Variants in RNF125 observed in about 807,000 individuals in gnomAD.
RNF125 encodes the protein ring finger protein 125.
RNF125 carries 21 observed loss-of-function variants against 26.0 expected under a neutral mutation model. The ratio of observed to expected loss-of-function variants is 0.81; its 90% CI spans 0.57 to 1.16. RNF125 has a LOEUF of 1.16. Ranked by LOEUF, RNF125 falls within the 50% of genes most tolerant of loss-of-function variation. RNF125 has a pLI of 0.00. For missense variants in RNF125, 270 were observed against 299.4 expected (o/e 0.90, Z 0.72); for synonymous variants, 95 against 109.2 (o/e 0.87, Z 0.81).
intron 4 of RNF125, among the ~76,000 whole-genome samples, chr18:32,056,305 C>G (rs1598823102): frequency 6.6e-6 from 1 of 151,864 alleles, no homozygotes; most frequent in Non-Finnish European, 1.5e-5. Flanking sequence ...GAAAATGACT[C>G]ACATGAATAA....
the RNF125 span, among the ~76,000 whole-genome samples, chr18:32,080,274 C>A: frequency 6.6e-6 from 1 of 152,252 alleles, no homozygotes; most frequent in Middle Eastern, 3.4e-3. Flanking sequence ...GGTGATCTGC[C>A]CACCTCGGCC....
Position 32,041,620 on chromosome 18 carries a change from C to CTTTTTTTTTTTTTTT in RNF125, c.319-545_319-531dup, listed in dbSNP as rs60264747. Among the ~76,000 whole-genome samples, 4 of 93,280 alleles carry CTTTTTTTTTTTTTTT rather than the reference C, an allele frequency of 4.3e-5. 2 individuals carry two copies. Among genetic ancestry groups the CTTTTTTTTTTTTTTT allele is most frequent in the African/African-American group, 7.9e-5 (2 of 25,424 alleles). The allele number at this position is 93,280 out of a possible 152,430, so 61.2% of individuals were successfully genotyped here. A position where few individuals can be genotyped will look rare whatever the true frequency, so the allele number is the denominator to read the frequency against. ...CTATCTACTTTAAAAAATGTAGATG[C>CTTTTTTTTTTTTTTT]TTTTTTTTTTTTTTTTTTTTTTTTT... On this transcript the variant is annotated intron_variant, in intron 2 of 5. Transcript: ENST00000217740.
the RNF125 span, among the ~76,000 whole-genome samples, chr18:32,084,079 G>A: frequency 6.6e-6 from 1 of 152,130 alleles, no homozygotes; most frequent in Admixed American, 6.6e-5. Context: ...CAACTGACCA[G>A]GTGCGGTGGC....
At chr18:32,047,339 G>T (rs1406316572) in intron 4 of RNF125, among the ~76,000 whole-genome samples, 1 of 152,020 alleles carries the variant, frequency 6.6e-6, no homozygotes, top group African/African-American at 2.4e-5. Flanking sequence ...GCCTGGCCTG[G>T]ATTGTTAACC....
chr18:32,031,277 T>A (rs2039090789), intron 1 of RNF125: 1 of 151,878 alleles, frequency 6.6e-6, no homozygotes, highest in Non-Finnish European at 1.5e-5. Context: ...ATCAGAGCAC[T>A]ACTGTCTGTG....
At chr18:32,050,854 G>T (rs641777) in intron 4 of RNF125, among the ~76,000 whole-genome samples, 86,194 of 135,698 alleles carry the variant, frequency 0.64, 28,070 homozygotes, top group Non-Finnish European at 0.72. Flanking sequence ...CTAGTCTCTC[G>T]GTCTAGAGTG....
the RNF125 span, among the ~76,000 whole-genome samples, chr18:32,090,267 G>T: frequency 2.6e-5 from 4 of 151,946 alleles, no homozygotes; most frequent in African/African-American, 9.7e-5. Flanking sequence ...GAAAAAAAGT[G>T]AGTTTTCTTC....
At chr18:32,036,118 C>T (rs1012188252) in intron 1 of RNF125, among the ~76,000 whole-genome samples, 1 of 148,078 alleles carries the variant, frequency 6.8e-6, no homozygotes, top group Non-Finnish European at 1.5e-5. Flanking sequence ...CGTGTCATTG[C>T]ACTCCAGCCT....
intron 4 of RNF125, among the ~76,000 whole-genome samples, chr18:32,053,542 C>T (rs1053977082): frequency 1.3e-4 from 20 of 152,000 alleles, no homozygotes; most frequent in African/African-American, 4.3e-4. Context: ...CTTTGGAAGG[C>T]TAAAGCAGGC....
At chr18:32,025,380 A>G (rs546650023) in intron 1 of RNF125, among the ~76,000 whole-genome samples, 15 of 151,932 alleles carry the variant, frequency 9.9e-5, no homozygotes, top group East Asian at 9.8e-4. Context: ...AGGACCCCCA[A>G]TGGCCAGGCG....
intron 4 of RNF125, among the ~76,000 whole-genome samples, chr18:32,046,112 G>A (rs1360985632): frequency 6.6e-6 from 1 of 150,986 alleles, no homozygotes; most frequent in African/African-American, 2.4e-5. Context: ...AGCTACTAGG[G>A]AGGCTGAGGC....
At chr18:32,081,589 C>T in the RNF125 span, among the ~76,000 whole-genome samples, 1 of 152,070 alleles carries the variant, frequency 6.6e-6, no homozygotes, top group Admixed American at 6.6e-5. Context: ...AGTATCACCC[C>T]CATTTTAACT....
chr18:32,028,326 T>G (rs9951371), intron 1 of RNF125, among the ~76,000 whole-genome samples: 85,916 of 123,516 alleles, frequency 0.7, 29,103 homozygotes, highest in Non-Finnish European at 0.73. Flanking sequence ...AAAAAAAAAA[T>G]AATAGGTAGT....
intron 2 of RNF125, among the ~76,000 whole-genome samples, chr18:32,041,435 C>T (rs1302996844): frequency 1.3e-5 from 2 of 151,958 alleles, no homozygotes; most frequent in Admixed American, 1.3e-4. Flanking sequence ...ATTTATTCTT[C>T]TTATCTGTCC....
At chr18:32,032,445 T>G (rs965049446) in intron 1 of RNF125, among the ~76,000 whole-genome samples, 1 of 151,512 alleles carries the variant, frequency 6.6e-6, no homozygotes, top group Non-Finnish European at 1.5e-5. Context: ...ACTCCTGACC[T>G]CAGGTGAGCC....
intron 1 of RNF125, among the ~76,000 whole-genome samples, chr18:32,019,818 AT>A (rs2038968788): frequency 6.6e-6 from 1 of 152,248 alleles, no homozygotes; most frequent in African/African-American, 2.4e-5. Context: ...ACCGGCGGAA[AT>A]TACAGAGTAA....
chr18:32,069,410 G>A lies in RNF125; in HGVS notation c.*1026G>A, dbSNP rs1323868460. 1.3e-5 allele frequency: 2 copies of A among 152,042 alleles called. No homozygotes were observed. The highest frequency in any genetic ancestry group is 3.8e-4 in the East Asian group (2 of 5,196). The allele number at this position is 152,042 out of a possible 1,614,324, so 9.4% of individuals were successfully genotyped here. ...TAAAAACCATCAGATGATACTTACA[G>A]TATAAGTATTCACATCCAGACTTTT... On this transcript the variant is annotated 3_prime_UTR_variant, in exon 6 of 6. Transcript: ENST00000217740.
At position 32,025,728 on chromosome 18, in the gene RNF125, T is replaced by C. The variant is rs1303716783; in HGVS notation, c.164+6701T>C. Among the ~76,000 whole-genome samples, 4 of 150,734 alleles carry C rather than the reference T, an allele frequency of 2.7e-5. No homozygotes were observed. In the East Asian group the frequency reaches 7.8e-4, roughly 29 times the overall value. On this transcript the variant is annotated intron_variant, in intron 1 of 5. Coordinates refer to ENST00000217740, the MANE Select transcript of RNF125 (RefSeq NM_017831.4). Reference sequence around the variant, plus strand: ...CCCAAAGAGGGGCGATTGGTGGCTTTTGTGTTTGTGTATGCGTGTGTGTGT... The same window carrying C: ...CCCAAAGAGGGGCGATTGGTGGCTTCTGTGTTTGTGTATGCGTGTGTGTGT...
the RNF125 span, among the ~76,000 whole-genome samples, chr18:32,090,219 C>T: frequency 6.6e-6 from 1 of 152,124 alleles, no homozygotes; most frequent in African/African-American, 2.4e-5. Context: ...GCACCCCAGC[C>T]TGGGTGACAG....
Sources: gnomAD v4.1 joint callset for allele counts (sites outside exome capture counted in the v4.1 genomes callset) on GRCh38, gnomAD v4.1.1 for gene constraint, MANE v1.5 for transcripts, NCBI Gene and HGNC (gene_info 2026-07-23, HGNC 2026-07-21) for gene names.